PTPRD: variants seen among roughly 807,000 people sequenced by gnomAD.
The protein encoded by PTPRD is receptor-type tyrosine-protein phosphatase delta.
A neutral mutation model predicts 214.5 loss-of-function variants in PTPRD; 34 were observed. The observed-to-expected ratio is 0.16, with a 90% CI of 0.12 to 0.21. The LOEUF is 0.21. Among genes scored for constraint, PTPRD ranks in the 10% least tolerant of loss-of-function variants. PTPRD has a pLI of 1.00. For synonymous variants in PTPRD, 1,128 were observed against 845.7 expected, an observed-to-expected ratio of 1.33 and a Z score of -5.79; for missense variants, 2,545 against 2,398.7, an observed-to-expected ratio of 1.06 and a Z score of -1.27.
chr9:9,137,414 T>C (rs1219926610), intron 10 of PTPRD, among the ~76,000 whole-genome samples: 6 of 152,162 alleles, frequency 3.9e-5, no homozygotes, highest in Non-Finnish European at 8.8e-5. Flanking sequence ...TACCAATAAC[T>C]TGCTTGGCAA....
chr9:9,317,773 A>G (rs1290058234), intron 9 of PTPRD, among the ~76,000 whole-genome samples: 3 of 152,186 alleles, frequency 2.0e-5, no homozygotes, highest in Non-Finnish European at 4.4e-5. Flanking sequence ...CAGATATAAA[A>G]TGGACCTGAT....
chr9:8,697,566 G>T (rs937811164), intron 12 of PTPRD, among the ~76,000 whole-genome samples: 2 of 151,440 alleles, frequency 1.3e-5, no homozygotes, highest in Non-Finnish European at 2.9e-5. Flanking sequence ...GGACTTACAG[G>T]TGCCCGCCAC....
chr9:9,520,195 T>C lies in PTPRD; in HGVS notation c.-237+54537A>G, dbSNP rs1308891666. Among the ~76,000 whole-genome samples the C allele has an allele frequency of 2.7e-5, 4 of 150,826 alleles. No individual in the cohort carries two copies. The Admixed American group carries it at 2.7e-4, about 10-fold the overall frequency. ...AAATGTAATGCTTTACATTTATTTT[T>C]AATATAATGTTCTCTGCCCCAGAGC... is the stretch of plus-strand genomic sequence containing the variant. On this transcript the variant is annotated intron_variant, in intron 8 of 45. Transcript: ENST00000381196.
chr9:9,913,368 G>A (rs1279190843), intron 5 of PTPRD, among the ~76,000 whole-genome samples: 1 of 152,010 alleles, frequency 6.6e-6, no homozygotes, highest in East Asian at 1.9e-4. Context: ...ATAAATTGCA[G>A]GAGGCATAAA....
At chr9:9,435,907 G>A (rs931827783) in intron 8 of PTPRD, among the ~76,000 whole-genome samples, 3 of 152,014 alleles carry the variant, frequency 2.0e-5, no homozygotes, top group Non-Finnish European at 4.4e-5. Context: ...TCAGATGTCT[G>A]GCACAAAAAG....
intron 3 of PTPRD, among the ~76,000 whole-genome samples, chr9:10,340,160 A>G (rs189656463): frequency 6.6e-6 from 1 of 151,932 alleles, no homozygotes; most frequent in Admixed American, 6.6e-5. Context: ...TGCTCATTCC[A>G]CATTATCTGG....
chr9:8,807,049 G>C (rs1348924995), intron 11 of PTPRD, among the ~76,000 whole-genome samples: 1 of 152,072 alleles, frequency 6.6e-6, no homozygotes, highest in African/African-American at 2.4e-5. Context: ...AAAGAAGTGG[G>C]AAGTAGGCCA....
At chr9:10,419,451 T>C (rs1461931381) in intron 2 of PTPRD, among the ~76,000 whole-genome samples, 1 of 151,826 alleles carries the variant, frequency 6.6e-6, no homozygotes, top group Non-Finnish European at 1.5e-5. Context: ...TTATAAACAT[T>C]AAATGAAAAT....
intron 8 of PTPRD, among the ~76,000 whole-genome samples, chr9:9,397,870 C>T (rs1161636804): frequency 6.6e-6 from 1 of 151,928 alleles, no homozygotes; most frequent in East Asian, 1.9e-4. Context: ...TCTGACAGTG[C>T]CATATACACC....
At chr9:8,414,932 A>G (rs10977067) in intron 35 of PTPRD, among the ~76,000 whole-genome samples, 381 of 25,156 alleles carry the variant, frequency 0.015, 3 homozygotes, top group African/African-American at 0.047. Context: ...AGGGAGGGGG[A>G]GAGAGAGAGA....
At chr9:9,394,099 C>T (rs2066871490) in intron 9 of PTPRD, among the ~76,000 whole-genome samples, 1 of 152,026 alleles carries the variant, frequency 6.6e-6, no homozygotes, top group Admixed American at 6.6e-5. Flanking sequence ...TTTTATTATC[C>T]TAAAATATGA....
intron 11 of PTPRD, among the ~76,000 whole-genome samples, chr9:8,742,801 C>T (rs1356750324): frequency 3.3e-5 from 5 of 152,048 alleles, no homozygotes; most frequent in Non-Finnish European, 7.3e-5. Flanking sequence ...TTTAGCGCCT[C>T]GCAGGTGTAA....
At chr9:9,353,229 C>G (rs1174072041) in intron 9 of PTPRD, among the ~76,000 whole-genome samples, 1 of 151,854 alleles carries the variant, frequency 6.6e-6, no homozygotes, top group Non-Finnish European at 1.5e-5. Flanking sequence ...ATTTTAATGT[C>G]TGTTACCAAA....
At chr9:8,798,946 G>A (rs2096508710) in intron 11 of PTPRD, among the ~76,000 whole-genome samples, 1 of 152,076 alleles carries the variant, frequency 6.6e-6, no homozygotes, top group South Asian at 2.1e-4. Flanking sequence ...TGTAAAGCCT[G>A]AATGCATAAG....
intron 10 of PTPRD, among the ~76,000 whole-genome samples, chr9:9,118,127 A>T (rs2099814113): frequency 6.6e-6 from 1 of 152,198 alleles, no homozygotes; most frequent in Admixed American, 6.5e-5. Context: ...TGATCATTGC[A>T]TTACCTAAAC....
chr9:8,807,115 T>C (rs1358268088), intron 11 of PTPRD, among the ~76,000 whole-genome samples: 2 of 152,106 alleles, frequency 1.3e-5, no homozygotes, highest in African/African-American at 4.8e-5. Context: ...CGCAGGTGGA[T>C]TGCCTGAGCT....
intron 14 of PTPRD, among the ~76,000 whole-genome samples, chr9:8,624,281 T>C (rs1285778891): frequency 6.6e-6 from 1 of 151,960 alleles, no homozygotes; most frequent in Non-Finnish European, 1.5e-5. Context: ...TGATTTTCAG[T>C]CTTTCAAAAT....
chr9:8,359,150 T>G (rs1267711107), intron 39 of PTPRD, among the ~76,000 whole-genome samples: 6 of 141,844 alleles, frequency 4.2e-5, no homozygotes, highest in Non-Finnish European at 7.5e-5. Flanking sequence ...AAAAAAAAAT[T>G]GAATCAGATT....
intron 5 of PTPRD, among the ~76,000 whole-genome samples, chr9:9,792,567 T>G (rs1212907154): frequency 6.6e-6 from 1 of 152,174 alleles, no homozygotes; most frequent in African/African-American, 2.4e-5. Flanking sequence ...GATAAATTTA[T>G]GTCTCACACT....
Sources: gnomAD v4.1 joint callset for allele counts (sites outside exome capture counted in the v4.1 genomes callset) on GRCh38, gnomAD v4.1.1 for gene constraint, MANE v1.5 for transcripts, NCBI Gene and HGNC (gene_info 2026-07-23, HGNC 2026-07-21) for gene names.